Variants in B3GALT1 observed in about 807,000 individuals in gnomAD.
B3GALT1 encodes UDP-Gal:betaGlcNAc beta 1,3-galactosyltransferase, polypeptide 1.
In B3GALT1, 10 loss-of-function variants were observed where a neutral mutation model predicts 23.2. The observed-to-expected ratio is 0.43, with a 90% CI of 0.27 to 0.73. B3GALT1 has a LOEUF of 0.73. Ranked by LOEUF, B3GALT1 falls within the 30% of genes least tolerant of loss-of-function variation. The pLI, the probability that B3GALT1 is intolerant of heterozygous loss-of-function variation, is 0.21. For synonymous variants in B3GALT1, 156 were observed against 141.5 expected (o/e 1.10, Z -0.73); for missense variants, 299 against 405.4 (o/e 0.74, Z 2.25).
intron 4 of B3GALT1, among the ~76,000 whole-genome samples, chr2:167,821,473 G>A (rs1254402492): frequency 7.5e-6 from 1 of 132,866 alleles, no homozygotes; most frequent in East Asian, 2.2e-4. Flanking sequence ...TTTCACTCGT[G>A]TCCCAGGCTG....
chr2:167,423,906 A>G (rs1223568555), intron 1 of B3GALT1, among the ~76,000 whole-genome samples: 1 of 152,154 alleles, frequency 6.6e-6, no homozygotes, highest in South Asian at 2.1e-4. Flanking sequence ...GAGATACTCA[A>G]TAAATATTGA....
chr2:167,429,694 C>A (rs1423773018), intron 1 of B3GALT1, among the ~76,000 whole-genome samples: 1 of 152,184 alleles, frequency 6.6e-6, no homozygotes, highest in Non-Finnish European at 1.5e-5. Flanking sequence ...GATTTCAGGC[C>A]TGTCACTTCC....
chr2:167,755,530 T>G (rs545089605), intron 3 of B3GALT1, among the ~76,000 whole-genome samples: 51 of 148,590 alleles, frequency 3.4e-4, no homozygotes, highest in African/African-American at 1.1e-3. Flanking sequence ...AGGCAGGATA[T>G]TTTGGAGGGA....
intron 1 of B3GALT1, among the ~76,000 whole-genome samples, chr2:167,436,234 C>G (rs1698784997): frequency 6.6e-6 from 1 of 152,116 alleles, no homozygotes; most frequent in African/African-American, 2.4e-5. Flanking sequence ...CACTTCTGGC[C>G]TCTCCTACGA....
intron 3 of B3GALT1, among the ~76,000 whole-genome samples, chr2:167,712,921 A>G (rs1381988832): frequency 1.3e-5 from 2 of 152,220 alleles, no homozygotes; most frequent in Non-Finnish European, 2.9e-5. Flanking sequence ...TAGTTTCTCT[A>G]CTGTCAATAG....
chr2:167,818,760 G>GAAGA lies in B3GALT1; in HGVS notation c.-261_-258dup, dbSNP rs1553490875. 1.3e-5 allele frequency among the ~76,000 whole-genome samples: 2 copies of GAAGA among 152,118 alleles called. No homozygotes were observed. Among genetic ancestry groups the GAAGA allele is most frequent in the Non-Finnish European group, 2.9e-5 (2 of 68,016 alleles). On this transcript the variant is annotated 5_prime_UTR_variant, in exon 4 of 5. Coordinates refer to ENST00000392690, the MANE Select transcript of B3GALT1 (RefSeq NM_020981.4). Reference sequence around the variant, plus strand: ...GCTTGATTTCCTGAACTTGTAGTAAGAAGAAGGAAAACACAGCACGCTGGA... The same window carrying GAAGA: ...GCTTGATTTCCTGAACTTGTAGTAAGAAGAAAGAAGGAAAACACAGCACGCTGGA...
intron 1 of B3GALT1, among the ~76,000 whole-genome samples, chr2:167,314,252 C>T (rs1466801996): frequency 1.3e-5 from 2 of 152,078 alleles, no homozygotes; most frequent in African/African-American, 4.8e-5. Flanking sequence ...GGAAGAGTCT[C>T]CCATAAGGGG....
intron 1 of B3GALT1, among the ~76,000 whole-genome samples, chr2:167,327,841 T>C (rs1005752825): frequency 6.6e-6 from 1 of 151,824 alleles, no homozygotes; most frequent in Non-Finnish European, 1.5e-5. Context: ...CCATTCAGAA[T>C]GTTGTTAGCT....
chr2:167,714,909 T>A, intron 3 of B3GALT1: 2 of 1,611,548 alleles, frequency 1.2e-6, no homozygotes. Context: ...TATAGTTCAG[T>A]CATTATTTTA....
At chr2:167,858,344 TAA>T (rs77883366) in intron 4 of B3GALT1, among the ~76,000 whole-genome samples, 21 of 68,968 alleles carry the variant, frequency 3.0e-4, no homozygotes, top group East Asian at 6.9e-4. Context: ...AAGAGCGAAG[TAA>T]AAAAAAAAAA....
At chr2:167,629,125 A>G (rs1355337059) in intron 2 of B3GALT1, among the ~76,000 whole-genome samples, 1 of 151,630 alleles carries the variant, frequency 6.6e-6, no homozygotes, top group Non-Finnish European at 1.5e-5. Flanking sequence ...TTCCTTAGAC[A>G]GGCAAAATGG....
chr2:167,687,397 G>A (rs1280855291), intron 3 of B3GALT1, among the ~76,000 whole-genome samples: 1 of 152,128 alleles, frequency 6.6e-6, no homozygotes, highest in Non-Finnish European at 1.5e-5. Flanking sequence ...ATGGCAACAT[G>A]ATGTGAAAAT....
chr2:167,444,520 TATTA>T (rs1698949955), intron 1 of B3GALT1, among the ~76,000 whole-genome samples: 1 of 152,234 alleles, frequency 6.6e-6, no homozygotes, highest in Admixed American at 6.5e-5. Flanking sequence ...GTTGGTAGAC[TATTA>T]ATTATTGCCT....
chr2:167,390,107 G>C (rs545315031), intron 1 of B3GALT1, among the ~76,000 whole-genome samples: 1 of 151,998 alleles, frequency 6.6e-6, no homozygotes, highest in Admixed American at 6.6e-5. Flanking sequence ...ATCTCAGGAC[G>C]AACCCTTCAC....
At chr2:167,780,866 T>C (rs1160624163) in intron 3 of B3GALT1, among the ~76,000 whole-genome samples, 3 of 152,208 alleles carry the variant, frequency 2.0e-5, no homozygotes, top group Admixed American at 2.0e-4. Context: ...GAGGGGTTCC[T>C]TTTGGAGTGA....
chr2:167,616,094 G>A (rs564613858), intron 2 of B3GALT1, among the ~76,000 whole-genome samples: 89 of 144,090 alleles, frequency 6.2e-4, no homozygotes, highest in African/African-American at 2.2e-3. Flanking sequence ...AAAGAAGAAG[G>A]GAATACTTTA....
intron 3 of B3GALT1, among the ~76,000 whole-genome samples, chr2:167,684,944 C>T (rs1167227346): frequency 6.6e-6 from 1 of 152,144 alleles, no homozygotes; most frequent in Non-Finnish European, 1.5e-5. Flanking sequence ...GGGGCATAAA[C>T]AACATCAACC....
At chr2:167,754,307 C>T (rs1687782175) in intron 3 of B3GALT1, among the ~76,000 whole-genome samples, 1 of 152,146 alleles carries the variant, frequency 6.6e-6, no homozygotes, top group African/African-American at 2.4e-5. Flanking sequence ...CAGAATGAGG[C>T]TATAATGCAG....
At chr2:167,687,947 A>G (rs557158589) in intron 3 of B3GALT1, among the ~76,000 whole-genome samples, 1 of 152,338 alleles carries the variant, frequency 6.6e-6, no homozygotes, top group East Asian at 1.9e-4. Context: ...CAAATTTTAT[A>G]TTCATTAAAA....
Sources: allele counts gnomAD v4.1 joint callset (sites outside exome capture counted in the v4.1 genomes callset), GRCh38; gene constraint gnomAD v4.1.1; transcripts MANE v1.5; gene names NCBI Gene and HGNC (gene_info 2026-07-23, HGNC 2026-07-21).